DLGAP1: variants seen among roughly 807,000 people sequenced by gnomAD.
DLGAP1 encodes disks large-associated protein 1.
Under a neutral mutation model 90.8 loss-of-function variants are expected in DLGAP1, and 11 were observed. That is an observed-to-expected ratio of 0.12 (90% CI 0.08 to 0.20). DLGAP1 has a LOEUF of 0.20. Ranked by LOEUF, DLGAP1 falls within the 10% of genes least tolerant of loss-of-function variation. The pLI, the probability that DLGAP1 is intolerant of heterozygous loss-of-function variation, is 1.00. For missense variants in DLGAP1, 1,050 were observed against 1,333.8 expected (o/e 0.79, Z 3.31); for synonymous variants, 558 against 540.7 (o/e 1.03, Z -0.44).
chr18:3,542,375 A>T (rs1313919741), intron 9 of DLGAP1, among the ~76,000 whole-genome samples: 1 of 152,194 alleles, frequency 6.6e-6, no homozygotes, highest in Non-Finnish European at 1.5e-5. Flanking sequence ...TGGAGAGTTG[A>T]TGAGGCAGAA....
chr18:3,814,231 C>T lies in DLGAP1; in HGVS notation c.1000G>A (p.Asp334Asn). 1.9e-6 allele frequency: 3 copies of T among 1,614,166 alleles called. No individual in the cohort carries two copies. The highest frequency in any genetic ancestry group is 2.5e-6 in the Non-Finnish European group (3 of 1,180,044). Residue 334 changes from aspartate to asparagine, a missense_variant, in exon 5 of 13, where the codon GAT becomes AAT. Asp to Asn is a conservative substitution (Grantham distance 23). Transcript: ENST00000315677. ...ATTCTTCGGCATGGAATTTCATCAT[C>T]TTTACCTCGTGGGGTGTACCCTGTC... ...EWTGYTPRGKDDEIPCRRMRS... is the reference protein window; with the variant it reads ...EWTGYTPRGKNDEIPCRRMRS...
At chr18:4,229,945 A>G (rs1212682994) in intron 1 of DLGAP1, among the ~76,000 whole-genome samples, 2 of 152,138 alleles carry the variant, frequency 1.3e-5, no homozygotes, top group African/African-American at 4.8e-5. Context: ...CCATAGGAAG[A>G]AAGTCTAATA....
At chr18:3,857,965 C>T (rs939941814) in intron 4 of DLGAP1, among the ~76,000 whole-genome samples, 1 of 152,086 alleles carries the variant, frequency 6.6e-6, no homozygotes, top group Admixed American at 6.6e-5. Flanking sequence ...ATCTTTATTG[C>T]TTCAATCCTA....
intron 5 of DLGAP1, among the ~76,000 whole-genome samples, chr18:3,759,490 C>T (rs1003472705): frequency 6.6e-6 from 1 of 152,186 alleles, no homozygotes; most frequent in African/African-American, 2.4e-5. Flanking sequence ...TTTCAGCGTG[C>T]CAAATATGTT....
intron 3 of DLGAP1, among the ~76,000 whole-genome samples, chr18:3,881,821 G>A (rs2071178885): frequency 6.6e-6 from 1 of 152,188 alleles, no homozygotes; most frequent in African/African-American, 2.4e-5. Flanking sequence ...GCTGAGGCAG[G>A]AGAATGGCAT....
chr18:3,715,293 A>G (rs941239814), intron 7 of DLGAP1, among the ~76,000 whole-genome samples: 6 of 152,230 alleles, frequency 3.9e-5, no homozygotes, highest in African/African-American at 1.2e-4. Flanking sequence ...AGAGCAAGAA[A>G]AAGGGAAGGC....
intron 7 of DLGAP1, chr18:3,604,463 C>CACACACACAT (rs2057229662): frequency 6.6e-6 from 1 of 152,104 alleles, no homozygotes; most frequent in Non-Finnish European, 1.5e-5. Context: ...CACGCACACA[C>CACACACACAT]ACACACACAT....
chr18:3,782,265 T>C (rs561803742), intron 5 of DLGAP1, among the ~76,000 whole-genome samples: 92 of 151,710 alleles, frequency 6.1e-4, no homozygotes, highest in Admixed American at 9.2e-4. Context: ...GCTTCTAGAG[T>C]AGCTGGGATT....
At chr18:3,508,689 T>C (rs759179224) in intron 10 of DLGAP1, 28 bp from the exon 11 acceptor site, 1 of 1,550,680 alleles carries the variant, frequency 6.4e-7, no homozygotes, top group South Asian at 1.1e-5. Flanking sequence ...ACGAGAAATT[T>C]ACACATCATG....
intron 1 of DLGAP1, among the ~76,000 whole-genome samples, chr18:4,245,271 T>C (rs989012721): frequency 6.6e-6 from 1 of 152,236 alleles, no homozygotes; most frequent in African/African-American, 2.4e-5. Flanking sequence ...TAATTGCTAC[T>C]GATGTTTCAA....
chr18:4,215,368 C>G (rs555233855), intron 1 of DLGAP1, among the ~76,000 whole-genome samples: 160 of 152,184 alleles, frequency 1.1e-3, no homozygotes, highest in African/African-American at 3.7e-3. Flanking sequence ...AAAGACAGGC[C>G]TTACACAAAT....
intron 2 of DLGAP1, among the ~76,000 whole-genome samples, chr18:4,129,611 A>T (rs186594928): frequency 6.6e-6 from 1 of 152,258 alleles, no homozygotes; most frequent in Non-Finnish European, 1.5e-5. Flanking sequence ...GCTTTGGGTT[A>T]CTGGAAGATG....
At chr18:3,761,884 C>A (rs997974279) in intron 5 of DLGAP1, among the ~76,000 whole-genome samples, 13 of 152,136 alleles carry the variant, frequency 8.5e-5, no homozygotes, top group African/African-American at 3.1e-4. Context: ...TCAGTCCCTG[C>A]TTTCAATTCT....
At chr18:4,286,832 G>C (rs892183517) in intron 1 of DLGAP1, among the ~76,000 whole-genome samples, 1 of 152,094 alleles carries the variant, frequency 6.6e-6, no homozygotes, top group African/African-American at 2.4e-5. Flanking sequence ...AAGATAAATA[G>C]ACAAGAATAT....
intron 9 of DLGAP1, among the ~76,000 whole-genome samples, chr18:3,550,674 C>A (rs948485161): frequency 1.3e-5 from 2 of 151,000 alleles, no homozygotes; most frequent in Non-Finnish European, 2.9e-5. Context: ...CATTTGCAAG[C>A]CAGGGAGAGA....
chr18:3,813,670 T>C (rs547283093), intron 5 of DLGAP1, among the ~76,000 whole-genome samples: 1 of 151,950 alleles, frequency 6.6e-6, no homozygotes, highest in Admixed American at 6.6e-5. Context: ...AATTCAAGAG[T>C]CTTAAGAAAA....
intron 2 of DLGAP1, among the ~76,000 whole-genome samples, chr18:4,063,083 A>G (rs1228702987): frequency 6.6e-6 from 1 of 152,132 alleles, no homozygotes; most frequent in African/African-American, 2.4e-5. Context: ...ATTAATGGAA[A>G]ATTTGGGACT....
chr18:4,073,666 G>C (rs1331850272), intron 2 of DLGAP1, among the ~76,000 whole-genome samples: 2 of 152,146 alleles, frequency 1.3e-5, no homozygotes, highest in Non-Finnish European at 2.9e-5. Flanking sequence ...TAAGTGGATA[G>C]AAACTTGATT....
intron 1 of DLGAP1, among the ~76,000 whole-genome samples, chr18:4,154,526 A>T (rs1474499636): frequency 6.6e-6 from 1 of 151,920 alleles, no homozygotes; most frequent in African/African-American, 2.4e-5. Context: ...TTATTTAAAA[A>T]CTATTGGCTG....
Sources: allele counts gnomAD v4.1 joint callset (sites outside exome capture counted in the v4.1 genomes callset), GRCh38; gene constraint gnomAD v4.1.1; transcripts MANE v1.5; gene names NCBI Gene and HGNC (gene_info 2026-07-23, HGNC 2026-07-21).